The following ANKRD17 variants were observed in gnomAD, a reference collection of about 807,000 sequenced individuals.
ANKRD17 encodes the protein ankyrin repeat domain-containing protein 17.
In ANKRD17, 19 loss-of-function variants were observed where a neutral mutation model predicts 229.7. The ratio of observed to expected loss-of-function variants is 0.08; its 90% CI spans 0.06 to 0.12. The LOEUF (loss-of-function observed/expected upper bound fraction) is 0.12. ANKRD17 is among the 10% of genes least tolerant of loss of function. The pLI, the probability that ANKRD17 is intolerant of heterozygous loss-of-function variation, is 1.00. For missense variants in ANKRD17, 2,176 were observed against 3,176.8 expected (o/e 0.68, Z 7.57); for synonymous variants, 1,112 against 1,146.1 (o/e 0.97, Z 0.60).
Position 73,120,173 on chromosome 4 carries a change from A to C in ANKRD17, c.4014T>G (p.Leu1338=), listed in dbSNP as rs754866551. 1.6e-5 allele frequency: 26 copies of C among 1,613,986 alleles called. No individual in the cohort carries two copies. The South Asian group carries it at 2.7e-4, about 17-fold the overall frequency. Residue 1338 remains leucine, a synonymous_variant, in exon 21 of 34, where the codon CTT becomes CTG. Coordinates refer to ENST00000358602, the MANE Select transcript of ANKRD17 (RefSeq NM_032217.5). ...TGGTAACAACATACCTGCCAATAAGAAGCTCACAGAATTTGTAATGCCCTT... is the reference window on the plus strand; with the variant it reads ...TGGTAACAACATACCTGCCAATAAGCAGCTCACAGAATTTGTAATGCCCTT... The part of the protein sequence containing the change: ...ADKGHYKFCE[L]LIGRGAHIDV...
intron 7 of ANKRD17, among the ~76,000 whole-genome samples, chr4:73,149,389 G>C (rs1471336903): frequency 6.6e-6 from 1 of 151,994 alleles, no homozygotes; most frequent in Non-Finnish European, 1.5e-5. Flanking sequence ...AATGTTAAAA[G>C]GATAAAGTTT....
At chr4:73,149,668 C>T (rs765854209) in intron 7 of ANKRD17, among the ~76,000 whole-genome samples, 38 of 151,902 alleles carry the variant, frequency 2.5e-4, no homozygotes, top group Non-Finnish European at 4.4e-4. Context: ...GGAGTTTGAG[C>T]CAGGCCTGGG....
At chr4:73,111,830 T>G (rs1029565580) in intron 24 of ANKRD17, among the ~76,000 whole-genome samples, 4 of 152,212 alleles carry the variant, frequency 2.6e-5, no homozygotes, top group East Asian at 1.9e-4. Flanking sequence ...CATTTATTCA[T>G]TCAACAAATA....
At chr4:73,105,104 A>C (rs1409039736) in intron 24 of ANKRD17, among the ~76,000 whole-genome samples, 2 of 152,176 alleles carry the variant, frequency 1.3e-5, no homozygotes, top group African/African-American at 2.4e-5. Context: ...GTAGGGCACT[A>C]ATTCAGAGGT....
At chr4:73,197,918 T>G (rs941065404) in intron 1 of ANKRD17, among the ~76,000 whole-genome samples, 1 of 152,218 alleles carries the variant, frequency 6.6e-6, no homozygotes, top group African/African-American at 2.4e-5. Context: ...TTTTGGCTTG[T>G]ATTCAACTAT....
At chr4:73,086,615 C>G (rs770347090) in intron 29 of ANKRD17, among the ~76,000 whole-genome samples, 22 of 150,730 alleles carry the variant, frequency 1.5e-4, no homozygotes, top group Non-Finnish European at 3.1e-4. Flanking sequence ...TAGGAGACAG[C>G]TTTCTCTGTT....
At chr4:73,179,039 C>T (rs1265955778) in intron 1 of ANKRD17, among the ~76,000 whole-genome samples, 1 of 152,032 alleles carries the variant, frequency 6.6e-6, no homozygotes, top group Non-Finnish European at 1.5e-5. Context: ...AAAAAGACAA[C>T]TTAAGGAATA....
At chr4:73,186,326 T>C (rs890684163) in intron 1 of ANKRD17, among the ~76,000 whole-genome samples, 2 of 152,010 alleles carry the variant, frequency 1.3e-5, no homozygotes, top group Non-Finnish European at 2.9e-5. Context: ...ATTTGAAAAG[T>C]TGAAAGAAAA....
At chr4:73,108,793 G>C (rs958064929) in intron 24 of ANKRD17, among the ~76,000 whole-genome samples, 2 of 152,168 alleles carry the variant, frequency 1.3e-5, no homozygotes, top group African/African-American at 4.8e-5. Context: ...AAGGGAGGCA[G>C]AGAAATGGGT....
At chr4:73,233,136 A>G (rs552163961) in intron 1 of ANKRD17, among the ~76,000 whole-genome samples, 3 of 152,300 alleles carry the variant, frequency 2.0e-5, no homozygotes, top group Middle Eastern at 3.4e-3. Flanking sequence ...CTGCATCAAA[A>G]TGGCAAAATA....
intron 1 of ANKRD17, among the ~76,000 whole-genome samples, chr4:73,216,914 T>A (rs1281670186): frequency 6.6e-6 from 1 of 152,226 alleles, no homozygotes; most frequent in Non-Finnish European, 1.5e-5. Flanking sequence ...TGAAAAGCCA[T>A]TGGTTTGGCA....
At chr4:73,118,540 TA>T in intron 22 of ANKRD17, 147 bp downstream of exon 22, 3 of 865,124 alleles carry the variant, frequency 3.5e-6, no homozygotes, top group South Asian at 3.7e-5. Context: ...TATCTACATT[TA>T]ATGTTGCCAT....
chr4:73,105,016 T>C (rs1724446807), intron 24 of ANKRD17, among the ~76,000 whole-genome samples: 1 of 152,130 alleles, frequency 6.6e-6, no homozygotes, highest in South Asian at 2.1e-4. Context: ...TTTGCTCGTT[T>C]CTAAATTTTG....
intron 6 of ANKRD17, among the ~76,000 whole-genome samples, chr4:73,152,505 C>T (rs1045112243): frequency 3.3e-5 from 5 of 152,154 alleles, no homozygotes; most frequent in African/African-American, 4.8e-5. Context: ...GAAGGGGGTC[C>T]ATGGATACCT....
In ANKRD17 at chr4:73,105,131, G is replaced by C. The variant is rs953467424; in HGVS notation, c.4402-2584C>G. On this transcript the variant is annotated intron_variant, in intron 24 of 33. Coordinates refer to ENST00000358602, the MANE Select transcript of ANKRD17 (RefSeq NM_032217.5). ...TTCAGAGGTCCTAGGGAAACCTTCT[G>C]GGGGGAGATACCAAGTTATGGCTAC... Among the ~76,000 whole-genome samples the C allele has an allele frequency of 3.3e-5, 5 of 152,002 alleles. No individual in the cohort carries two copies. The South Asian group carries it at 6.2e-4, about 19-fold the overall frequency.
chr4:73,097,205 G>A lies in ANKRD17; in HGVS notation c.5089C>T (p.Pro1697Ser), dbSNP rs1723398391. The A allele has an allele frequency of 6.2e-7, 1 of 1,612,510 alleles. No individual in the cohort carries two copies. The highest frequency in any genetic ancestry group is 1.1e-5 in the South Asian group (1 of 90,724). Residue 1697 changes from proline (P) to serine (S), a missense_variant, in exon 27 of 34, where the codon CCC becomes TCC. Physicochemically the swap from Pro to Ser is moderately conservative, Grantham distance 74. This residue lies in a region of ANKRD17 where 98 missense variants were observed against 101.0 expected (regional missense o/e 0.97). Coordinates refer to ENST00000358602, the MANE Select transcript of ANKRD17 (RefSeq NM_032217.5). ...LSTCTKSGPSPLSSPNGKLTV... is the reference protein window; with the variant it reads ...LSTCTKSGPSSLSSPNGKLTV... ...AACTTCCCATTTGGAGAAGAAAGGG[G>A]AGATGGACCAGATTTTGTACAAGTA...
intron 25 of ANKRD17, among the ~76,000 whole-genome samples, chr4:73,101,602 T>G (rs1305805278): frequency 7.1e-6 from 1 of 141,766 alleles, no homozygotes; most frequent in African/African-American, 2.7e-5. Flanking sequence ...GAAACGGAGG[T>G]TGCAGTGAAC....
At chr4:73,175,699 G>C (rs968875704) in intron 2 of ANKRD17, among the ~76,000 whole-genome samples, 3 of 152,092 alleles carry the variant, frequency 2.0e-5, no homozygotes, top group African/African-American at 7.2e-5. Flanking sequence ...AGAACATCCA[G>C]TGGGGAAAGA....
At chr4:73,163,957 G>A (rs1001901710) in intron 2 of ANKRD17, among the ~76,000 whole-genome samples, 4 of 152,122 alleles carry the variant, frequency 2.6e-5, no homozygotes, top group Non-Finnish European at 5.9e-5. Flanking sequence ...AATGTTCAGA[G>A]TAGTCAAATT....
Sources: allele counts gnomAD v4.1 joint callset (sites outside exome capture counted in the v4.1 genomes callset), GRCh38; gene constraint gnomAD v4.1.1; regional missense constraint gnomAD v4.1.1; transcripts MANE v1.5; gene names NCBI Gene and HGNC (gene_info 2026-07-23, HGNC 2026-07-21).